CNTLN: variants seen among roughly 807,000 people sequenced by gnomAD.
CNTLN encodes centlein, centrosomal protein.
A neutral mutation model predicts 180.0 loss-of-function variants in CNTLN; 212 were observed. The observed-to-expected ratio is 1.18, with a 90% CI of 1.05 to 1.32. The LOEUF is 1.32. Ranked by LOEUF, CNTLN falls within the 40% of genes most tolerant of loss-of-function variation. The pLI is 0.00. For synonymous variants in CNTLN, 722 were observed against 563.1 expected, an observed-to-expected ratio of 1.28 and a Z score of -3.99; for missense variants, 2,095 against 1,610.9, an observed-to-expected ratio of 1.30 and a Z score of -5.14.
chr9:17,267,954 AC>A (rs1228859184), intron 5 of CNTLN, among the ~76,000 whole-genome samples: 1 of 151,744 alleles, frequency 6.6e-6, no homozygotes, highest in Non-Finnish European at 1.5e-5. Context: ...TTTTTTTCAA[AC>A]TTTTAACTTC....
At chr9:17,528,568 CAGA>C in the CNTLN span, among the ~76,000 whole-genome samples, 1 of 152,186 alleles carries the variant, frequency 6.6e-6, no homozygotes, top group Non-Finnish European at 1.5e-5. Context: ...GATTCTGCAA[CAGA>C]AGAAGGATAT....
chr9:17,460,338 G>C (rs1406376357), intron 19 of CNTLN, among the ~76,000 whole-genome samples: 1 of 151,718 alleles, frequency 6.6e-6, no homozygotes, highest in Non-Finnish European at 1.5e-5. Context: ...TAACAGGGAT[G>C]ACTTTTTACC....
chr9:17,177,417 A>C (rs12378540), intron 2 of CNTLN, among the ~76,000 whole-genome samples: 30,896 of 152,090 alleles, frequency 0.2, 3,389 homozygotes, highest in South Asian at 0.32. Flanking sequence ...TCAAAAAAAA[A>C]AAAATTATTT....
At chr9:17,369,929 G>A (rs957691502) in intron 13 of CNTLN, among the ~76,000 whole-genome samples, 2 of 151,332 alleles carry the variant, frequency 1.3e-5, no homozygotes, top group African/African-American at 2.4e-5. Flanking sequence ...GGAGGTTGCT[G>A]TGAATCGAGA....
At chr9:17,206,323 A>G (rs1046653163) in intron 2 of CNTLN, among the ~76,000 whole-genome samples, 2 of 152,224 alleles carry the variant, frequency 1.3e-5, no homozygotes, top group Non-Finnish European at 2.9e-5. Flanking sequence ...CTACATGTAG[A>G]AAAAGATCTT....
At chr9:17,188,456 C>T (rs1821574747) in intron 2 of CNTLN, among the ~76,000 whole-genome samples, 1 of 151,984 alleles carries the variant, frequency 6.6e-6, no homozygotes, top group African/African-American at 2.4e-5. Flanking sequence ...TTTTGGCATT[C>T]TTTGCAAATG....
intron 13 of CNTLN, among the ~76,000 whole-genome samples, chr9:17,383,523 T>A (rs1219452158): frequency 6.6e-6 from 1 of 151,546 alleles, no homozygotes; most frequent in African/African-American, 2.4e-5. Context: ...TAAAAAAAAA[T>A]GGGAATTTTA....
chr9:17,401,164 C>T (rs895363127), intron 15 of CNTLN, among the ~76,000 whole-genome samples: 1 of 152,106 alleles, frequency 6.6e-6, no homozygotes, highest in African/African-American at 2.4e-5. Context: ...TTCCATAGAA[C>T]TTTGCATATA....
intron 15 of CNTLN, among the ~76,000 whole-genome samples, chr9:17,401,456 C>T (rs1826966056): frequency 6.6e-6 from 1 of 151,768 alleles, no homozygotes; most frequent in East Asian, 1.9e-4. Context: ...TCACTGCATC[C>T]TCGACTTCCT....
chr9:17,273,617 G>T, intron 5 of CNTLN, 116 bp from the exon 6 acceptor site: 1 of 543,976 alleles, frequency 1.8e-6, no homozygotes, highest in Non-Finnish European at 2.9e-6. Context: ...TTAAGTAAGT[G>T]AAAAAATTAA....
chr9:17,365,268 C>A (rs770098705), intron 12 of CNTLN, among the ~76,000 whole-genome samples: 3 of 152,142 alleles, frequency 2.0e-5, no homozygotes, highest in Non-Finnish European at 4.4e-5. Flanking sequence ...GTGCTCTTTT[C>A]CTCCTGTTCC....
the CNTLN span, among the ~76,000 whole-genome samples, chr9:17,518,923 T>C: frequency 6.6e-6 from 1 of 152,096 alleles, no homozygotes; most frequent in Non-Finnish European, 1.5e-5. Flanking sequence ...GAAAAGCCAC[T>C]GAGACTTGTT....
At chr9:17,247,779 CTT>C (rs572267371) in intron 5 of CNTLN, among the ~76,000 whole-genome samples, 35 of 108,410 alleles carry the variant, frequency 3.2e-4, no homozygotes, top group Middle Eastern at 6.0e-3. Context: ...AATACTTTTA[CTT>C]TTTTTTTTTT....
intron 2 of CNTLN, among the ~76,000 whole-genome samples, chr9:17,176,468 A>G (rs1587009809): frequency 6.6e-6 from 1 of 152,186 alleles, no homozygotes; most frequent in African/African-American, 2.4e-5. Flanking sequence ...GTACAATTAT[A>G]CATTGCTAAA....
intron 5 of CNTLN, among the ~76,000 whole-genome samples, chr9:17,271,310 G>A (rs1000986976): frequency 6.6e-6 from 1 of 152,064 alleles, no homozygotes; most frequent in African/African-American, 2.4e-5. Context: ...CAGATTTGCG[G>A]TTCACTGACC....
chr9:17,294,242 A>G (rs1271085368), intron 6 of CNTLN, among the ~76,000 whole-genome samples: 2 of 152,004 alleles, frequency 1.3e-5, no homozygotes, highest in East Asian at 2.0e-4. Flanking sequence ...AGGGGACCCA[A>G]GGGGGTTGCC....
intron 2 of CNTLN, among the ~76,000 whole-genome samples, chr9:17,163,581 C>T (rs999200399): frequency 2.0e-5 from 3 of 152,158 alleles, no homozygotes; most frequent in African/African-American, 7.2e-5. Flanking sequence ...CCATATTGTG[C>T]ATATTTTCCA....
intron 18 of CNTLN, chr9:17,444,088 A>G (rs1830266033): frequency 6.6e-6 from 1 of 152,222 alleles, no homozygotes; most frequent in African/African-American, 2.4e-5. Flanking sequence ...GAAAAAAAAC[A>G]CAAAATCAAA....
chr9:17,358,683 A>G (rs1230544029), intron 12 of CNTLN, among the ~76,000 whole-genome samples: 5 of 152,154 alleles, frequency 3.3e-5, no homozygotes, highest in Non-Finnish European at 7.4e-5. Context: ...TTTTTAAAGT[A>G]TGTACTAAAA....
Sources: allele counts gnomAD v4.1 joint callset (sites outside exome capture counted in the v4.1 genomes callset), GRCh38; gene constraint gnomAD v4.1.1; transcripts MANE v1.5; gene names NCBI Gene and HGNC (gene_info 2026-07-23, HGNC 2026-07-21).